The following EPHA3 variants were observed in gnomAD, a reference collection of about 807,000 sequenced individuals.
The protein encoded by EPHA3 is EPH receptor A3, also known as ephrin type-A receptor 3.
A neutral mutation model predicts 107.1 loss-of-function variants in EPHA3; 42 were observed. That is an observed-to-expected ratio of 0.39 (90% CI 0.31 to 0.51). The LOEUF (loss-of-function observed/expected upper bound fraction) is 0.51. EPHA3 is among the 20% of genes least tolerant of loss of function. EPHA3 has a pLI of 0.78. For synonymous variants in EPHA3, 461 were observed against 424.8 expected (o/e 1.09, Z -1.05); for missense variants, 1,183 against 1,211.2 (o/e 0.98, Z 0.35).
At chr3:89,248,037 T>C (rs1167911734) in intron 3 of EPHA3, among the ~76,000 whole-genome samples, 8 of 152,320 alleles carry the variant, frequency 5.3e-5, no homozygotes, top group East Asian at 3.9e-4. Context: ...ATTCTCCCAA[T>C]TAAAAACAAA....
At chr3:89,116,664 C>T (rs1392899864) in intron 1 of EPHA3, among the ~76,000 whole-genome samples, 2 of 148,346 alleles carry the variant, frequency 1.3e-5, no homozygotes, top group Non-Finnish European at 3.0e-5. Context: ...TTGATGACAT[C>T]AGGCTTCCAA....
chr3:89,186,663 G>A lies in EPHA3; in HGVS notation c.154-23197G>A, dbSNP rs187369788. On this transcript the variant is annotated intron_variant, in intron 2 of 16. Transcript: ENST00000336596. Reference sequence around the variant, plus strand: ...AATAAGACATTTGAGACCTGGACAAGTGCCATGTTGAATACAGCCAGCTGG... The same window carrying A: ...AATAAGACATTTGAGACCTGGACAAATGCCATGTTGAATACAGCCAGCTGG... Among the ~76,000 whole-genome samples the A allele has an allele frequency of 1.8e-4, 28 of 152,222 alleles. No homozygotes were observed. In the East Asian group the frequency reaches 2.7e-3, roughly 15 times the overall value.
Position 89,122,438 on chromosome 3 carries a change from G to A in EPHA3, c.89-4771G>A, listed in dbSNP as rs189964028. On this transcript the variant is annotated intron_variant, in intron 1 of 16. Coordinates refer to ENST00000336596, the MANE Select transcript of EPHA3 (RefSeq NM_005233.6). ...TAAAGCCTACTGTTAACCTTGAAAT[G>A]ATTGTTTAATAATTATTTATAACTC... 9.7e-4 allele frequency among the ~76,000 whole-genome samples: 148 copies of A among 152,270 alleles called. 1 individual carries two copies. The Middle Eastern group carries it at 0.01, about 10-fold the overall frequency.
chr3:89,227,853 T>A lies in EPHA3; in HGVS notation c.814+17333T>A, dbSNP rs531316733. 2.0e-5 allele frequency among the ~76,000 whole-genome samples: 3 copies of A among 152,112 alleles called. No individual in the cohort carries two copies. In the South Asian group the frequency reaches 6.2e-4, roughly 32 times the overall value. ...TGACTCACTCTTATATTAGGTTGTTTAAATTGGAAAGGTCAAATGACTTAA... is the reference window on the plus strand; with the variant it reads ...TGACTCACTCTTATATTAGGTTGTTAAAATTGGAAAGGTCAAATGACTTAA... On this transcript the variant is annotated intron_variant, in intron 3 of 16. Coordinates refer to ENST00000336596, the MANE Select transcript of EPHA3 (RefSeq NM_005233.6).
intron 5 of EPHA3, among the ~76,000 whole-genome samples, chr3:89,348,296 T>A (rs1339619781): frequency 7.1e-6 from 1 of 140,900 alleles, no homozygotes; most frequent in Non-Finnish European, 1.6e-5. Flanking sequence ...TTTCAGCTCC[T>A]GTTATTGATC....
At chr3:89,414,810 A>G (rs986845242) in intron 10 of EPHA3, among the ~76,000 whole-genome samples, 2 of 151,648 alleles carry the variant, frequency 1.3e-5, no homozygotes, top group African/African-American at 4.8e-5. Context: ...CACCACTGAA[A>G]ATAGCAGCTG....
chr3:89,108,340 G>T (rs1406870023), intron 1 of EPHA3, among the ~76,000 whole-genome samples: 2 of 152,150 alleles, frequency 1.3e-5, no homozygotes, highest in African/African-American at 4.8e-5. Flanking sequence ...GCGGAGGTGC[G>T]TGTTTATGGT....
intron 2 of EPHA3, among the ~76,000 whole-genome samples, chr3:89,165,519 T>C (rs1167925621): frequency 6.6e-6 from 1 of 152,210 alleles, no homozygotes; most frequent in African/African-American, 2.4e-5. Flanking sequence ...GATTAAAAAC[T>C]TCTGTGCTCT....
At chr3:89,167,551 T>C (rs957487701) in intron 2 of EPHA3, among the ~76,000 whole-genome samples, 4 of 152,090 alleles carry the variant, frequency 2.6e-5, no homozygotes, top group African/African-American at 9.6e-5. Context: ...ACTAACTCCA[T>C]AGTTTGAAGT....
intron 2 of EPHA3, among the ~76,000 whole-genome samples, chr3:89,160,548 T>TTGTGTGTG (rs1164056787): frequency 1.7e-5 from 2 of 120,476 alleles, no homozygotes; most frequent in African/African-American, 7.1e-5. Context: ...ATATTAGATT[T>TTGTGTGTG]TGTGTGTGTG....
At chr3:89,237,320 G>A (rs1167985575) in intron 3 of EPHA3, among the ~76,000 whole-genome samples, 3 of 152,186 alleles carry the variant, frequency 2.0e-5, no homozygotes, top group South Asian at 2.1e-4. Context: ...GCAATGAGCC[G>A]AGATGGTGCC....
chr3:89,450,427 C>T (rs1709963376), intron 15 of EPHA3, 57 bp downstream of exon 15: 2 of 1,541,432 alleles, frequency 1.3e-6, no homozygotes, highest in South Asian at 2.5e-5. Context: ...TTGCTATCTC[C>T]AAGATGTTAA....
intron 3 of EPHA3, among the ~76,000 whole-genome samples, chr3:89,269,324 C>A (rs1277978818): frequency 3.9e-5 from 6 of 152,050 alleles, no homozygotes; most frequent in African/African-American, 1.2e-4. Context: ...AATGTGAATT[C>A]CAGACCAATA....
At chr3:89,207,082 G>A (rs1275387293) in intron 2 of EPHA3, among the ~76,000 whole-genome samples, 1 of 151,978 alleles carries the variant, frequency 6.6e-6, no homozygotes, top group Non-Finnish European at 1.5e-5. Context: ...GAGCTATGAA[G>A]AACTAGAAGT....
At chr3:89,468,014 G>A (rs948046770) in intron 15 of EPHA3, among the ~76,000 whole-genome samples, 1 of 152,096 alleles carries the variant, frequency 6.6e-6, no homozygotes, top group Admixed American at 6.5e-5. Flanking sequence ...GGCTGGGTCT[G>A]AAAAAACGCC....
chr3:89,246,894 G>C (rs1251202130), intron 3 of EPHA3, among the ~76,000 whole-genome samples: 1 of 152,066 alleles, frequency 6.6e-6, no homozygotes, highest in Non-Finnish European at 1.5e-5. Flanking sequence ...TTTCCTGCTG[G>C]ACAATTTCAA....
intron 3 of EPHA3, among the ~76,000 whole-genome samples, chr3:89,249,059 G>T (rs1269641941): frequency 6.6e-6 from 1 of 152,148 alleles, no homozygotes. Context: ...GGGTCCAGAG[G>T]GTAGTTCTTA....
chr3:89,175,901 A>T (rs1305273441), intron 2 of EPHA3, among the ~76,000 whole-genome samples: 1 of 151,954 alleles, frequency 6.6e-6, no homozygotes, highest in African/African-American at 2.4e-5. Flanking sequence ...GATTAGAGTT[A>T]TTCTGTTGTT....
chr3:89,181,917 G>T (rs1576210291), intron 2 of EPHA3, among the ~76,000 whole-genome samples: 2 of 151,890 alleles, frequency 1.3e-5, no homozygotes, highest in Non-Finnish European at 2.9e-5. Flanking sequence ...TTTTTTAAGG[G>T]TCGCTGGGAA....
Sources: allele counts gnomAD v4.1 joint callset (sites outside exome capture counted in the v4.1 genomes callset), GRCh38; gene constraint gnomAD v4.1.1; transcripts MANE v1.5; gene names NCBI Gene and HGNC (gene_info 2026-07-23, HGNC 2026-07-21).